The following CLDN16 variants were observed in gnomAD, a reference collection of about 807,000 sequenced individuals.
CLDN16 encodes claudin 16.
CLDN16 carries 13 observed loss-of-function variants against 24.6 expected under a neutral mutation model. The observed-to-expected ratio is 0.53, with a 90% CI of 0.34 to 0.84. CLDN16 has a LOEUF of 0.84. Among genes scored for constraint, CLDN16 ranks in the 40% least tolerant of loss-of-function variants. The pLI, the probability that CLDN16 is intolerant of heterozygous loss-of-function variation, is 0.01. For synonymous variants in CLDN16, 116 were observed against 106.7 expected (o/e 1.09, Z -0.54); for missense variants, 298 against 292.7 (o/e 1.02, Z -0.13).
intron 1 of CLDN16, among the ~76,000 whole-genome samples, chr3:190,323,982 C>T (rs1481769771): frequency 6.6e-6 from 1 of 151,712 alleles, no homozygotes; most frequent in Non-Finnish European, 1.5e-5. Flanking sequence ...GTACTACTGT[C>T]TAGGTCTCAG....
Position 190,410,926 on chromosome 3 carries a change from T to C in CLDN16, c.*890T>C, listed in dbSNP as rs1719261472. 6.6e-6 allele frequency: 1 copy of C among 152,180 alleles called. No homozygotes were observed. Among genetic ancestry groups the C allele is most frequent in the Non-Finnish European group, 1.5e-5 (1 of 68,038 alleles). 9.4% of individuals were successfully genotyped at this position (152,180 alleles called of 1,614,324 possible). ...GACATATGGCAAAATTCAACAAATA[T>C]ATTTTGATATAAATAAATAAACGTT... is the stretch of plus-strand genomic sequence containing the variant. On this transcript the variant is annotated 3_prime_UTR_variant, in exon 5 of 5. Transcript: ENST00000264734.
intron 1 of CLDN16, among the ~76,000 whole-genome samples, chr3:190,331,444 T>C (rs1322418219): frequency 6.6e-6 from 1 of 152,210 alleles, no homozygotes; most frequent in Non-Finnish European, 1.5e-5. Flanking sequence ...CATTTAGTTA[T>C]AATCTAGGCC....
In CLDN16 at chr3:190,388,211, AAAG is replaced by A. The variant is rs1439050013; in HGVS notation, c.-117_-115del. Reference sequence around the variant, plus strand: ...CTGCAGCAGGGCGTGAGAAAAAGTAAAAGACCAGTATTTTCACATTGCCAGGTA... The same window carrying A: ...CTGCAGCAGGGCGTGAGAAAAAGTAAACCAGTATTTTCACATTGCCAGGTA... On this transcript the variant is annotated 5_prime_UTR_variant, in exon 1 of 5. Coordinates refer to ENST00000264734, the MANE Select transcript of CLDN16 (RefSeq NM_006580.4). 1.9e-6 allele frequency: 3 copies of A among 1,614,090 alleles called. No individual in the cohort carries two copies. In the African/African-American group the frequency reaches 4.0e-5, roughly 22 times the overall value.
chr3:190,291,387 G>A, the CLDN16 span, among the ~76,000 whole-genome samples: 1 of 152,090 alleles, frequency 6.6e-6, no homozygotes, highest in African/African-American at 2.4e-5. Context: ...GGAAGGGGAG[G>A]CAGTCACATC....
Position 190,359,880 on chromosome 3 carries a change from C to G in CLDN16, n.122-11013C>G, listed in dbSNP as rs528030747. Among the ~76,000 whole-genome samples the G allele has an allele frequency of 5.3e-5, 8 of 152,038 alleles. No homozygotes were observed. In the South Asian group the frequency reaches 1.2e-3, roughly 24 times the overall value. On this transcript the variant is annotated intron_variant and non_coding_transcript_variant, in intron 1 of 4. Coordinates refer to the CLDN16 transcript ENST00000468220. ...ATTTGATGTGACTAGAACTTGTGGC[C>G]TAAAAGGAGCTATGAGGCTCGATGT...
chr3:190,383,698 AGG>A (rs1211869951), upstream of CLDN16, among the ~76,000 whole-genome samples: 1 of 152,202 alleles, frequency 6.6e-6, no homozygotes, highest in African/African-American at 2.4e-5. Flanking sequence ...AAAGCACCAT[AGG>A]AGACAAAAAT....
chr3:190,296,589 G>C, the CLDN16 span, among the ~76,000 whole-genome samples: 1 of 141,780 alleles, frequency 7.1e-6, no homozygotes, highest in Non-Finnish European at 1.5e-5. Flanking sequence ...TCGCTCTGTC[G>C]CCCAGGCTGG....
At chr3:190,377,257 A>G (rs1171751136) in intron 3 of CLDN16, among the ~76,000 whole-genome samples, 1 of 151,996 alleles carries the variant, frequency 6.6e-6, no homozygotes, top group Non-Finnish European at 1.5e-5. Flanking sequence ...ATTGATGAGA[A>G]TCTTTAAAAA....
At chr3:190,336,487 T>C (rs1345719190) in intron 1 of CLDN16, among the ~76,000 whole-genome samples, 1 of 152,150 alleles carries the variant, frequency 6.6e-6, no homozygotes, top group Non-Finnish European at 1.5e-5. Context: ...ACACAGCACA[T>C]ACAACACTTG....
Position 190,340,968 on chromosome 3 carries a change from C to T in CLDN16, n.121+18307C>T, listed in dbSNP as rs78410089. Among the ~76,000 whole-genome samples, 1,147 of 152,300 alleles carry T rather than the reference C, an allele frequency of 7.5e-3. 14 individuals carry two copies. The highest frequency in any genetic ancestry group is 0.032 in the East Asian group (164 of 5,180). On this transcript the variant is annotated intron_variant and non_coding_transcript_variant, in intron 1 of 4. Transcript: ENST00000468220. ...TGATTTCCTTTGACTCCAGGTCTCA[C>T]GACCAGGTCATGCTGATGCAAGAGG...
At chr3:190,338,368 T>TG (rs1717356944) in intron 1 of CLDN16, among the ~76,000 whole-genome samples, 1 of 152,184 alleles carries the variant, frequency 6.6e-6, no homozygotes, top group Non-Finnish European at 1.5e-5. Context: ...GAATGTGTAG[T>TG]GGCGTATTTT....
chr3:190,322,219 C>G (rs17429833), upstream of CLDN16: 128,450 of 1,612,174 alleles, frequency 0.08, 5,555 homozygotes, highest in Non-Finnish European at 0.089. Context: ...CTCGCTCGGG[C>G]GCCCGCGCTG....
chr3:190,328,654 T>C lies in CLDN16; in HGVS notation n.121+5993T>C, dbSNP rs540764087. 3.5e-4 allele frequency among the ~76,000 whole-genome samples: 53 copies of C among 151,004 alleles called. No individual in the cohort carries two copies. In the South Asian group the frequency reaches 0.01, roughly 29 times the overall value. On this transcript the variant is annotated intron_variant and non_coding_transcript_variant, in intron 1 of 4. Transcript: ENST00000468220. Reference sequence around the variant, plus strand: ...TATTTGAACTAAACTCCCAGCTACATAAGGGAGAGAACATTCTACGTAAAA... The same window carrying C: ...TATTTGAACTAAACTCCCAGCTACACAAGGGAGAGAACATTCTACGTAAAA...
the CLDN16 span, chr3:190,306,041 A>G: frequency 6.6e-6 from 1 of 152,246 alleles, no homozygotes; most frequent in Non-Finnish European, 1.5e-5. Context: ...AATTCCTCAT[A>G]AGACACAGTG....
intron 1 of CLDN16, among the ~76,000 whole-genome samples, chr3:190,347,947 G>T (rs1717587009): frequency 6.6e-6 from 1 of 151,854 alleles, no homozygotes; most frequent in Non-Finnish European, 1.5e-5. Flanking sequence ...GGAATCGGTA[G>T]AAGATGAGAC....
chr3:190,310,234 G>T, the CLDN16 span: 4 of 1,613,678 alleles, frequency 2.5e-6, no homozygotes, highest in Non-Finnish European at 3.4e-6. Context: ...ACCATGCTGT[G>T]GCAACTAAAA....
Position 190,356,987 on chromosome 3 carries a change from C to T in CLDN16, n.122-13906C>T, listed in dbSNP as rs116350148. Among the ~76,000 whole-genome samples, 1,069 of 151,944 alleles carry T rather than the reference C, an allele frequency of 7.0e-3. 14 individuals are homozygous for T. The highest frequency in any genetic ancestry group is 0.024 in the African/African-American group (1,008 of 41,512). ...TACACAGCCTTGCATTTTACATTCT[C>T]AAAAGATGAAAATCAGTGTTCACTG... On this transcript the variant is annotated intron_variant and non_coding_transcript_variant, in intron 1 of 4. Coordinates refer to the CLDN16 transcript ENST00000468220.
At chr3:190,339,383 C>T (rs953873183) in intron 1 of CLDN16, among the ~76,000 whole-genome samples, 14 of 152,278 alleles carry the variant, frequency 9.2e-5, no homozygotes, top group African/African-American at 2.9e-4. Context: ...TTGTGTGTGA[C>T]ATTGGTTTCC....
At chr3:190,353,919 A>T (rs538803188) in intron 1 of CLDN16, among the ~76,000 whole-genome samples, 3 of 152,168 alleles carry the variant, frequency 2.0e-5, no homozygotes, top group South Asian at 4.1e-4. Context: ...GTTCGCTCCC[A>T]ATTCTGAGGG....
Sources: gnomAD v4.1 joint callset for allele counts (sites outside exome capture counted in the v4.1 genomes callset) on GRCh38, gnomAD v4.1.1 for gene constraint, MANE v1.5 for transcripts, NCBI Gene and HGNC (gene_info 2026-07-23, HGNC 2026-07-21) for gene names.